The following DEUP1 variants were observed in gnomAD, a reference collection of about 807,000 sequenced individuals.
The protein encoded by DEUP1 is coiled-coil domain containing 67.
Under a neutral mutation model 87.4 loss-of-function variants are expected in DEUP1, and 82 were observed. The observed-to-expected ratio is 0.94, with a 90% confidence interval of 0.78 to 1.13. The LOEUF is 1.13. Among genes scored for constraint, DEUP1 ranks in the 50% most tolerant of loss-of-function variants. The pLI is 0.00. For missense variants in DEUP1, 663 were observed against 681.5 expected (o/e 0.97, Z 0.30); for synonymous variants, 214 against 222.7 (o/e 0.96, Z 0.35).
chr11:93,417,418 C>T (rs1441823202), intron 13 of DEUP1, among the ~76,000 whole-genome samples: 1 of 151,398 alleles, frequency 6.6e-6, no homozygotes, highest in Non-Finnish European at 1.5e-5. Flanking sequence ...CATGAGTGAA[C>T]TCCCATTCAC....
intron 4 of DEUP1, among the ~76,000 whole-genome samples, chr11:93,359,962 T>C (rs920029959): frequency 2.6e-5 from 4 of 152,010 alleles, no homozygotes; most frequent in Non-Finnish European, 4.4e-5. Context: ...CATCGTGACA[T>C]TGGAGAGCCT....
chr11:93,405,865 C>T (rs749820167), intron 11 of DEUP1, among the ~76,000 whole-genome samples: 1 of 151,740 alleles, frequency 6.6e-6, no homozygotes, highest in Non-Finnish European at 1.5e-5. Context: ...AGACTTTGAA[C>T]CATAGATATT....
intron 4 of DEUP1, among the ~76,000 whole-genome samples, chr11:93,358,541 A>G (rs1945005099): frequency 6.6e-6 from 1 of 152,092 alleles, no homozygotes; most frequent in East Asian, 1.9e-4. Flanking sequence ...TTTCCAATCC[A>G]TCGTGTTCCA....
intron 13 of DEUP1, among the ~76,000 whole-genome samples, chr11:93,436,902 T>A (rs1468344514): frequency 7.9e-5 from 12 of 152,208 alleles, no homozygotes; most frequent in Middle Eastern, 3.2e-3. Context: ...TATTTTTTTT[T>A]AAATAAGCAC....
intron 4 of DEUP1, 196 bp downstream of exon 4, chr11:93,357,239 T>A: frequency 2.1e-6 from 1 of 477,730 alleles, no homozygotes; most frequent in Admixed American, 4.0e-5. Flanking sequence ...ATATTTTCTG[T>A]GCCTCTGTTA....
intron 2 of DEUP1, among the ~76,000 whole-genome samples, chr11:93,343,163 C>A (rs1458098727): frequency 6.6e-6 from 1 of 152,158 alleles, no homozygotes; most frequent in Admixed American, 6.5e-5. Context: ...TTCTGACATT[C>A]CAAAAGCAGT....
chr11:93,435,027 T>A (rs1948202874), intron 13 of DEUP1, among the ~76,000 whole-genome samples: 1 of 152,192 alleles, frequency 6.6e-6, no homozygotes, highest in African/African-American at 2.4e-5. Flanking sequence ...ACTGCCATAC[T>A]CTTTTGCTAT....
Position 93,437,752 on chromosome 11 carries a change from C to CCAA in DEUP1, c.*33_*34insCAA. On this transcript the variant is annotated 3_prime_UTR_variant, in exon 14 of 14. Transcript: ENST00000298050. ...AACTTTTTTATTTGCTTCCCCCCCC[C>CCAA]ACCCCCGCCAAGAAAAAAAGCTCTG... 2 of 1,052,806 alleles carry CCAA rather than the reference C, an allele frequency of 1.9e-6. No homozygotes were observed. Among genetic ancestry groups the CCAA allele is most frequent in the South Asian group, 3.0e-5 (2 of 67,586 alleles). 65.2% of individuals were successfully genotyped at this position (1,052,806 alleles called of 1,614,324 possible).
At chr11:93,436,350 C>A (rs1489938699) in intron 13 of DEUP1, among the ~76,000 whole-genome samples, 1 of 152,188 alleles carries the variant, frequency 6.6e-6, no homozygotes, top group African/African-American at 2.4e-5. Flanking sequence ...ATTGTGACAG[C>A]TTCATTAACA....
At chr11:93,345,054 A>G (rs775745126) in intron 2 of DEUP1, among the ~76,000 whole-genome samples, 4 of 151,848 alleles carry the variant, frequency 2.6e-5, no homozygotes, top group Admixed American at 6.6e-5. Flanking sequence ...GTTCCCTTCT[A>G]TGTATCCATG....
chr11:93,340,589 AGAC>A (rs2134161773), intron 2 of DEUP1, among the ~76,000 whole-genome samples: 1 of 152,372 alleles, frequency 6.6e-6, no homozygotes, highest in Non-Finnish European at 1.5e-5. Context: ...TGGGAAGAAT[AGAC>A]CATAGGAGGG....
intron 11 of DEUP1, among the ~76,000 whole-genome samples, chr11:93,398,755 C>T (rs1432243553): frequency 1.4e-5 from 2 of 147,592 alleles, no homozygotes; most frequent in Non-Finnish European, 3.0e-5. Flanking sequence ...GAGTCTCACT[C>T]TGTCACCCAG....
intron 4 of DEUP1, among the ~76,000 whole-genome samples, chr11:93,361,197 G>T (rs916394667): frequency 6.6e-6 from 1 of 152,118 alleles, no homozygotes; most frequent in Admixed American, 6.6e-5. Context: ...CCTCAGGAAT[G>T]AAGGGGAAAT....
chr11:93,359,605 C>A (rs1360335810), intron 4 of DEUP1, among the ~76,000 whole-genome samples: 2 of 152,098 alleles, frequency 1.3e-5, no homozygotes, highest in Non-Finnish European at 2.9e-5. Flanking sequence ...CAGAAGCTGG[C>A]AAACCAGTTA....
chr11:93,341,440 A>G (rs979819269), intron 2 of DEUP1, among the ~76,000 whole-genome samples: 1 of 152,190 alleles, frequency 6.6e-6, no homozygotes, highest in Non-Finnish European at 1.5e-5. Context: ...TGTAAGTTCA[A>G]TTAAACTTCT....
intron 11 of DEUP1, among the ~76,000 whole-genome samples, chr11:93,403,377 A>G (rs2134398670): frequency 6.6e-6 from 1 of 152,104 alleles, no homozygotes; most frequent in Admixed American, 6.6e-5. Context: ...TACTTGGTAT[A>G]TCCAAGTTTC....
chr11:93,346,216 G>T (rs904700027), intron 2 of DEUP1, among the ~76,000 whole-genome samples: 2 of 152,104 alleles, frequency 1.3e-5, no homozygotes, highest in Non-Finnish European at 2.9e-5. Context: ...TGGTCTATGT[G>T]TCTGTTCTTG....
In DEUP1 at chr11:93,408,225, C is replaced by T. The variant is rs768765131; in HGVS notation, c.1327-6C>T. 1.6e-5 allele frequency: 24 copies of T among 1,533,004 alleles called. No individual in the cohort carries two copies. The highest frequency in any genetic ancestry group is 2.1e-5 in the Non-Finnish European group (24 of 1,138,728). The allele number at this position is 1,533,004 out of a possible 1,614,324, so 95.0% of individuals were successfully genotyped here. On this transcript the variant is annotated splice_polypyrimidine_tract_variant and splice_region_variant and intron_variant, in intron 11 of 13. Coordinates refer to ENST00000298050, the MANE Select transcript of DEUP1 (RefSeq NM_181645.4). ...TTATTCAATGATAGTTTATTTTATT[C>T]TCTAGAGTATGGACTTCACTAACAG...
chr11:93,438,201 A>T lies in DEUP1; in HGVS notation c.*482A>T, dbSNP rs889293759. On this transcript the variant is annotated 3_prime_UTR_variant, in exon 14 of 14. Transcript: ENST00000298050. ...TATTTCCAGTTATGTAAACACTCTA[A>T]AATTCTATAATTTTTTGGAAAAAAA... 6 of 152,472 alleles carry T rather than the reference A, an allele frequency of 3.9e-5. No homozygotes were observed. The highest frequency in any genetic ancestry group is 1.4e-4 in the African/African-American group (6 of 41,574). 9.4% of individuals were successfully genotyped at this position (152,472 alleles called of 1,614,324 possible). A position where few individuals can be genotyped will look rare whatever the true frequency, so the allele number is the denominator to read the frequency against.
Sources: gnomAD v4.1 joint callset for allele counts (sites outside exome capture counted in the v4.1 genomes callset) on GRCh38, gnomAD v4.1.1 for gene constraint, MANE v1.5 for transcripts, NCBI Gene and HGNC (gene_info 2026-07-23, HGNC 2026-07-21) for gene names.